DLGAP2: variants seen among roughly 807,000 people sequenced by gnomAD.
The protein encoded by DLGAP2 is disks large-associated protein 2.
A neutral mutation model predicts 100.3 loss-of-function variants in DLGAP2; 26 were observed. The observed-to-expected ratio is 0.26, with a 90% confidence interval of 0.19 to 0.36. The LOEUF is 0.36. Ranked by LOEUF, DLGAP2 falls within the 10% of genes least tolerant of loss-of-function variation. DLGAP2 has a pLI of 1.00. For missense variants in DLGAP2, 1,858 were observed against 1,453.2 expected, an observed-to-expected ratio of 1.28 and a Z score of -4.53; for synonymous variants, 886 against 630.1, an observed-to-expected ratio of 1.41 and a Z score of -6.08.
intron 3 of DLGAP2, among the ~76,000 whole-genome samples, chr8:1,411,941 C>T (rs79462487): frequency 0.013 from 2,017 of 152,274 alleles, 32 homozygotes; most frequent in East Asian, 0.063. Context: ...CGCCAGTATC[C>T]TCCACGTTCA....
chr8:1,156,638 C>CA (rs1214324965), intron 2 of DLGAP2, among the ~76,000 whole-genome samples: 123,539 of 147,554 alleles, frequency 0.84, 51,921 homozygotes, highest in Non-Finnish European at 0.87. Context: ...CCCAGCGCCC[C>CA]GGCTCAGCGC....
chr8:1,255,016 G>A (rs1257676238), intron 2 of DLGAP2, among the ~76,000 whole-genome samples: 8 of 116,486 alleles, frequency 6.9e-5, no homozygotes, highest in Non-Finnish European at 8.9e-5. Context: ...CTTGGGCGCT[G>A]TGTGTGTGTC....
intron 8 of DLGAP2, among the ~76,000 whole-genome samples, chr8:1,645,024 A>G (rs571896276): frequency 1.3e-5 from 2 of 152,366 alleles, no homozygotes; most frequent in Admixed American, 1.3e-4. Context: ...AAGGCCAGGC[A>G]TTCAAGGTTA....
chr8:1,419,399 G>A lies in DLGAP2; in HGVS notation c.107-81967G>A, dbSNP rs1279576650. On this transcript the variant is annotated intron_variant, in intron 3 of 14. Coordinates refer to ENST00000637795, the MANE Select transcript of DLGAP2 (RefSeq NM_001346810.2). ...AATGGTTATTTTTGGTTGACTCACA[G>A]TAATTGTACATATTTGTGGGATACT... Among the ~76,000 whole-genome samples, 42 of 63,094 alleles carry A rather than the reference G, an allele frequency of 6.7e-4. 1 individual carries two copies. The highest frequency in any genetic ancestry group is 1.4e-3 in the South Asian group (2 of 1,398). 41.4% of individuals were successfully genotyped at this position (63,094 alleles called of 152,430 possible).
chr8:1,342,892 C>T (rs1167467052), intron 3 of DLGAP2, among the ~76,000 whole-genome samples: 1 of 152,182 alleles, frequency 6.6e-6, no homozygotes, highest in Non-Finnish European at 1.5e-5. Flanking sequence ...AAACTGCTTT[C>T]TGCCGTCTTT....
chr8:1,539,399 A>G (rs1801274694), intron 4 of DLGAP2, among the ~76,000 whole-genome samples: 1 of 152,094 alleles, frequency 6.6e-6, no homozygotes. Context: ...TAGCCACACC[A>G]TTACAACACT....
intron 2 of DLGAP2, among the ~76,000 whole-genome samples, chr8:946,445 T>TATTTTTA: frequency 6.6e-6 from 1 of 151,920 alleles, no homozygotes; most frequent in South Asian, 2.1e-4. Context: ...TTGTAGTTTT[T>TATTTTTA]GTAGAGACGG....
At chr8:799,001 C>T (rs967777270) in intron 1 of DLGAP2, among the ~76,000 whole-genome samples, 41 of 152,216 alleles carry the variant, frequency 2.7e-4, no homozygotes, top group African/African-American at 9.9e-4. Context: ...ATGTCCTGAC[C>T]TAGGATTTCA....
chr8:1,691,719 T>G, intron 13 of DLGAP2, 93 bp downstream of exon 13: 7 of 1,105,548 alleles, frequency 6.3e-6, no homozygotes, highest in Non-Finnish European at 9.3e-6. Context: ...TGTCAAAGAG[T>G]TCCCATCGGT....
intron 4 of DLGAP2, among the ~76,000 whole-genome samples, chr8:1,506,471 AG>A (rs1185091573): frequency 6.6e-6 from 1 of 152,192 alleles, no homozygotes. Flanking sequence ...CAATGGCCTC[AG>A]GAGTGAAGCT....
intron 2 of DLGAP2, among the ~76,000 whole-genome samples, chr8:1,088,168 C>T (rs538967119): frequency 2.6e-5 from 4 of 152,248 alleles, no homozygotes; most frequent in African/African-American, 9.6e-5. Context: ...CAGACGACTT[C>T]CCATCCCCTA....
At chr8:1,514,745 G>C (rs1800299575) in intron 4 of DLGAP2, among the ~76,000 whole-genome samples, 1 of 152,228 alleles carries the variant, frequency 6.6e-6, no homozygotes, top group Non-Finnish European at 1.5e-5. Flanking sequence ...CACGCTGCAG[G>C]TGGAGGCCCA....
chr8:880,806 C>G (rs1447421930), intron 1 of DLGAP2, among the ~76,000 whole-genome samples: 1 of 152,236 alleles, frequency 6.6e-6, no homozygotes, highest in Non-Finnish European at 1.5e-5. Flanking sequence ...GTAACTCCTG[C>G]TCGTTCATGG....
intron 1 of DLGAP2, among the ~76,000 whole-genome samples, chr8:850,305 T>G (rs1475658843): frequency 1.3e-5 from 2 of 152,230 alleles, no homozygotes; most frequent in African/African-American, 4.8e-5. Context: ...GGAGTTTATC[T>G]CAAAGCAATT....
At chr8:1,246,220 A>G (rs1798898170) in intron 2 of DLGAP2, among the ~76,000 whole-genome samples, 2 of 152,240 alleles carry the variant, frequency 1.3e-5, no homozygotes, top group Admixed American at 6.5e-5. Context: ...GACAAAAGTA[A>G]TAAATTAAGG....
intron 4 of DLGAP2, among the ~76,000 whole-genome samples, chr8:1,501,957 A>G (rs1377523207): frequency 6.6e-5 from 10 of 152,236 alleles, no homozygotes; most frequent in African/African-American, 2.2e-4. Context: ...CTGAGCTGCC[A>G]CCAGCACAGC....
At chr8:1,598,362 G>A (rs1399520492) in intron 6 of DLGAP2, among the ~76,000 whole-genome samples, 2 of 152,176 alleles carry the variant, frequency 1.3e-5, no homozygotes, top group African/African-American at 4.8e-5. Flanking sequence ...GTGGTATCAG[G>A]ATGATGCTGG....
intron 8 of DLGAP2, among the ~76,000 whole-genome samples, chr8:1,639,666 C>T (rs527864368): frequency 5.3e-5 from 8 of 152,350 alleles, no homozygotes; most frequent in Non-Finnish European, 1.2e-4. Flanking sequence ...TGCCGTCTCA[C>T]AGTCACAGAG....
intron 2 of DLGAP2, among the ~76,000 whole-genome samples, chr8:1,253,095 G>T (rs572905606): frequency 1.3e-5 from 2 of 152,174 alleles, no homozygotes; most frequent in African/African-American, 4.8e-5. Context: ...GCCTGTCCCC[G>T]CGTGGCTTCC....
Sources: gnomAD v4.1 joint callset for allele counts (sites outside exome capture counted in the v4.1 genomes callset) on GRCh38, gnomAD v4.1.1 for gene constraint, MANE v1.5 for transcripts, NCBI Gene and HGNC (gene_info 2026-07-23, HGNC 2026-07-21) for gene names.